Variants in CADM1 observed in about 807,000 individuals in gnomAD.
The protein encoded by CADM1 is TSLC-1.
In CADM1, 15 loss-of-function variants were observed where a neutral mutation model predicts 53.1. The observed-to-expected ratio is 0.28, with a 90% confidence interval of 0.19 to 0.44. The LOEUF is 0.44. CADM1 is among the 20% of genes least tolerant of loss of function. The pLI, the probability that CADM1 is intolerant of heterozygous loss-of-function variation, is 1.00. For synonymous variants in CADM1, 281 were observed against 243.0 expected (o/e 1.16, Z -1.45); for missense variants, 434 against 611.3 (o/e 0.71, Z 3.06).
chr11:115,321,274 C>T (rs958077007), intron 1 of CADM1, among the ~76,000 whole-genome samples: 3 of 152,150 alleles, frequency 2.0e-5, no homozygotes, highest in Non-Finnish European at 4.4e-5. Context: ...GTAAGAAGTA[C>T]TGGATTAACT....
intron 1 of CADM1, among the ~76,000 whole-genome samples, chr11:115,480,089 T>C (rs1949226588): frequency 6.6e-6 from 1 of 152,194 alleles, no homozygotes. Flanking sequence ...AGCATTTAAG[T>C]TTTACCTTTT....
At chr11:115,214,828 G>T in intron 6 of CADM1, 48 bp from the exon 7 acceptor site, 1 of 1,550,480 alleles carries the variant, frequency 6.4e-7, no homozygotes, top group East Asian at 2.2e-5. Flanking sequence ...ATTCCCCATT[G>T]CATCAAACTG....
In CADM1 at chr11:115,175,205, A is replaced by G; in HGVS notation, c.*1269T>C. The G allele has an allele frequency of 1.0e-6, 1 of 985,878 alleles. No homozygotes were observed. The highest frequency in any genetic ancestry group is 1.7e-5 in the African/African-American group (1 of 57,348). The allele number at this position is 985,878 out of a possible 1,614,324, so 61.1% of individuals were successfully genotyped here. A position where few individuals can be genotyped will look rare whatever the true frequency, so the allele number is the denominator to read the frequency against. ...CGAGAACTGAGAGCGACAGCAGACC[A>G]GTGTGAGAACAATACCAGCCCTTCT... On this transcript the variant is annotated 3_prime_UTR_variant, in exon 12 of 12. Coordinates refer to ENST00000331581, the MANE Select transcript of CADM1 (RefSeq NM_001301043.2).
intron 8 of CADM1, among the ~76,000 whole-genome samples, chr11:115,203,966 G>A (rs771803566): frequency 2.0e-5 from 3 of 152,194 alleles, no homozygotes; most frequent in Non-Finnish European, 4.4e-5. Context: ...TGGCTCATGA[G>A]TATTTACTAG....
chr11:115,261,982 T>C (rs975709876), intron 1 of CADM1, among the ~76,000 whole-genome samples: 17 of 152,154 alleles, frequency 1.1e-4, no homozygotes, highest in Admixed American at 7.9e-4. Flanking sequence ...GGTTTCACCA[T>C]GTTAGCCAGG....
chr11:115,490,249 C>A (rs1013987960), intron 1 of CADM1, among the ~76,000 whole-genome samples: 3 of 151,870 alleles, frequency 2.0e-5, no homozygotes, highest in Non-Finnish European at 4.4e-5. Flanking sequence ...ACAGGCAGGA[C>A]CTATAGCTAA....
intron 1 of CADM1, among the ~76,000 whole-genome samples, chr11:115,380,637 GC>G (rs1428460628): frequency 5.1e-4 from 77 of 152,268 alleles, no homozygotes; most frequent in African/African-American, 1.7e-3. Flanking sequence ...TAGGATATTA[GC>G]ATTAAAAGAC....
intron 1 of CADM1, among the ~76,000 whole-genome samples, chr11:115,404,346 A>AAAAAATAT (rs1947251974): frequency 2.1e-4 from 7 of 33,780 alleles, no homozygotes; most frequent in Non-Finnish European, 2.0e-4. Context: ...AAAAAAAAAA[A>AAAAAATAT]ATATATATAT....
chr11:115,175,368 C>G lies in CADM1; in HGVS notation c.*1106G>C. On this transcript the variant is annotated 3_prime_UTR_variant, in exon 12 of 12. Transcript: ENST00000331581. ...ACATCCTACTGCCTTCCTAACTAAG[C>G]ACAAAGGAAAAAAAAAAAAAAATCA... 7 of 884,586 alleles carry G rather than the reference C, an allele frequency of 7.9e-6. No homozygotes were observed. The highest frequency in any genetic ancestry group is 9.2e-6 in the Non-Finnish European group (7 of 764,942). The allele number at this position is 884,586 out of a possible 1,614,324, so 54.8% of individuals were successfully genotyped here. A position where few individuals can be genotyped will look rare whatever the true frequency, so the allele number is the denominator to read the frequency against.
chr11:115,365,789 A>G (rs935717068), intron 1 of CADM1, among the ~76,000 whole-genome samples: 1 of 152,232 alleles, frequency 6.6e-6, no homozygotes, highest in Non-Finnish European at 1.5e-5. Flanking sequence ...CATTTTCAAA[A>G]AATCAAACAA....
At chr11:115,261,331 A>G (rs191560841) in intron 1 of CADM1, among the ~76,000 whole-genome samples, 97 of 152,320 alleles carry the variant, frequency 6.4e-4, no homozygotes, top group African/African-American at 2.3e-3. Flanking sequence ...ATACATTAAG[A>G]GTCCCAGGAC....
At chr11:115,495,687 C>T (rs924414469) in intron 1 of CADM1, among the ~76,000 whole-genome samples, 2 of 152,212 alleles carry the variant, frequency 1.3e-5, no homozygotes, top group Non-Finnish European at 2.9e-5. Context: ...TTCATTTAGC[C>T]AGGCAGCTCT....
At chr11:115,357,880 A>C (rs995591690) in intron 1 of CADM1, among the ~76,000 whole-genome samples, 1 of 152,184 alleles carries the variant, frequency 6.6e-6, no homozygotes, top group Non-Finnish European at 1.5e-5. Context: ...AACACAGATA[A>C]AACAGAAAAA....
chr11:115,500,818 C>T (rs1391954082), intron 1 of CADM1, among the ~76,000 whole-genome samples: 2 of 152,148 alleles, frequency 1.3e-5, no homozygotes, highest in Non-Finnish European at 2.9e-5. Flanking sequence ...CCCAGGAATC[C>T]GTTACCTTCT....
intron 6 of CADM1, among the ~76,000 whole-genome samples, chr11:115,215,220 T>A (rs1167837738): frequency 6.6e-6 from 1 of 152,216 alleles, no homozygotes; most frequent in African/African-American, 2.4e-5. Context: ...CCTCTTGTGA[T>A]ATTTAGATGG....
intron 1 of CADM1, among the ~76,000 whole-genome samples, chr11:115,425,416 G>A (rs1947865010): frequency 1.3e-5 from 2 of 152,200 alleles, no homozygotes; most frequent in African/African-American, 2.4e-5. Context: ...ACAGGCTAGC[G>A]TAATAAGTTT....
At chr11:115,209,436 T>A in intron 8 of CADM1, 138 bp downstream of exon 8, 1 of 1,254,282 alleles carries the variant, frequency 8.0e-7, no homozygotes, top group East Asian at 2.3e-5. Flanking sequence ...GAACATAGTA[T>A]CTAATGTCGT....
chr11:115,489,026 G>A (rs2135423592), intron 1 of CADM1, among the ~76,000 whole-genome samples: 1 of 152,268 alleles, frequency 6.6e-6, no homozygotes, highest in Middle Eastern at 3.4e-3. Context: ...TCTCATGAAA[G>A]CTGAGGTGAA....
intron 10 of CADM1, among the ~76,000 whole-genome samples, chr11:115,181,249 G>T (rs1387140128): frequency 6.6e-6 from 1 of 151,994 alleles, no homozygotes; most frequent in Non-Finnish European, 1.5e-5. Flanking sequence ...GATCTCACGA[G>T]GTATATGTAT....
Sources: gnomAD v4.1 joint callset for allele counts (sites outside exome capture counted in the v4.1 genomes callset) on GRCh38, gnomAD v4.1.1 for gene constraint, MANE v1.5 for transcripts, NCBI Gene and HGNC (gene_info 2026-07-23, HGNC 2026-07-21) for gene names.